The following UST variants were observed in gnomAD, a reference collection of about 807,000 sequenced individuals.
The protein encoded by UST is chondroitin sulfate 2-O-sulfotransferase.
A neutral mutation model predicts 45.6 loss-of-function variants in UST; 21 were observed. The ratio of observed to expected loss-of-function variants is 0.46; its 90% CI spans 0.33 to 0.66. The LOEUF (loss-of-function observed/expected upper bound fraction) is 0.66. UST is among the 30% of genes least tolerant of loss of function. The pLI is 0.02. For missense variants in UST, 463 were observed against 512.4 expected, an observed-to-expected ratio of 0.90 and a Z score of 0.93; for synonymous variants, 215 against 200.6, an observed-to-expected ratio of 1.07 and a Z score of -0.61.
intron 1 of UST, among the ~76,000 whole-genome samples, chr6:148,819,128 G>A (rs531860103): frequency 1.2e-4 from 18 of 152,334 alleles, no homozygotes; most frequent in South Asian, 1.0e-3. Flanking sequence ...CATCACAAAG[G>A]TAGGGCAGAT....
intron 1 of UST, among the ~76,000 whole-genome samples, chr6:148,884,465 C>G (rs1291547489): frequency 6.6e-6 from 1 of 152,032 alleles, no homozygotes; most frequent in Non-Finnish European, 1.5e-5. Context: ...TGAATAGAGA[C>G]TGAATGAAGA....
At chr6:149,029,317 A>AAT (rs1776100205) in intron 7 of UST, among the ~76,000 whole-genome samples, 1 of 148,058 alleles carries the variant, frequency 6.8e-6, no homozygotes, top group South Asian at 2.1e-4. Flanking sequence ...AAGTATATGT[A>AAT]ATATATAATG....
In UST at chr6:148,920,547, G is replaced by C. The variant is rs78766054; in HGVS notation, c.292-20732G>C. 3.9e-5 allele frequency among the ~76,000 whole-genome samples: 6 copies of C among 152,188 alleles called. No homozygotes were observed. The East Asian group carries it at 1.2e-3, about 29-fold the overall frequency. On this transcript the variant is annotated intron_variant, in intron 2 of 7. Coordinates refer to ENST00000367463, the MANE Select transcript of UST (RefSeq NM_005715.3). Reference sequence around the variant, plus strand: ...TCTTTGTTTGCTTTTATTTGTTTTTGAGACAAGATCTTGCTCTGTCACTCA... The same window carrying C: ...TCTTTGTTTGCTTTTATTTGTTTTTCAGACAAGATCTTGCTCTGTCACTCA...
intron 1 of UST, among the ~76,000 whole-genome samples, chr6:148,870,210 C>T (rs1185891252): frequency 6.6e-6 from 1 of 152,038 alleles, no homozygotes; most frequent in Admixed American, 6.5e-5. Flanking sequence ...GACTTGAACC[C>T]AGTCCGAGCC....
intron 1 of UST, among the ~76,000 whole-genome samples, chr6:148,802,035 T>C (rs1160891438): frequency 1.8e-4 from 27 of 152,234 alleles, no homozygotes; most frequent in Non-Finnish European, 7.3e-5. Flanking sequence ...CTTAATATAC[T>C]GAAAAGTTTT....
At chr6:148,942,957 T>G (rs1302745263) in intron 3 of UST, among the ~76,000 whole-genome samples, 1 of 152,208 alleles carries the variant, frequency 6.6e-6, no homozygotes, top group Non-Finnish European at 1.5e-5. Context: ...TATTAGGGTC[T>G]CCAAAGAAAA....
chr6:148,887,148 T>C (rs189014424), intron 2 of UST, 119 bp downstream of exon 2: 7 of 790,178 alleles, frequency 8.9e-6, no homozygotes, highest in African/African-American at 5.3e-5. Context: ...AGATGACATA[T>C]GTGAAATTGA....
chr6:148,856,881 T>G (rs1360998200), intron 1 of UST, among the ~76,000 whole-genome samples: 1 of 151,756 alleles, frequency 6.6e-6, no homozygotes, highest in Admixed American at 6.6e-5. Context: ...AAATCAGAGA[T>G]AACATTTTAG....
chr6:148,956,278 T>G (rs901960460), intron 4 of UST: 4 of 160,834 alleles, frequency 2.5e-5, no homozygotes, highest in South Asian at 3.8e-4. Flanking sequence ...TATCCAAGAC[T>G]GGGAAGAAAA....
intron 1 of UST, among the ~76,000 whole-genome samples, chr6:148,838,829 G>A (rs6570907): frequency 0.014 from 2,204 of 152,154 alleles, 43 homozygotes; most frequent in African/African-American, 0.045. Context: ...CCAGTTAGAA[G>A]CTGCTGAACT....
chr6:148,797,662 G>T (rs1000479968), intron 1 of UST, among the ~76,000 whole-genome samples: 1 of 152,218 alleles, frequency 6.6e-6, no homozygotes, highest in Non-Finnish European at 1.5e-5. Context: ...AGCGTAGAGG[G>T]GTGGTAGTTG....
At chr6:148,992,375 A>G (rs550893512) in intron 5 of UST, among the ~76,000 whole-genome samples, 11 of 152,318 alleles carry the variant, frequency 7.2e-5, no homozygotes, top group African/African-American at 2.4e-4. Context: ...GCGTTGAGGC[A>G]GGAGAATGGG....
At chr6:148,978,692 G>A (rs966750627) in intron 5 of UST, among the ~76,000 whole-genome samples, 1 of 152,122 alleles carries the variant, frequency 6.6e-6, no homozygotes, top group African/African-American at 2.4e-5. Flanking sequence ...GGAAAGGGGA[G>A]GGAGAGCATT....
chr6:148,753,786 C>A (rs922475605), intron 1 of UST, among the ~76,000 whole-genome samples: 1 of 152,152 alleles, frequency 6.6e-6, no homozygotes, highest in Non-Finnish European at 1.5e-5. Context: ...ATTTTACATC[C>A]CCCGCCAAGA....
At chr6:149,007,720 G>T (rs111824645) in intron 5 of UST, among the ~76,000 whole-genome samples, 6 of 151,942 alleles carry the variant, frequency 3.9e-5, no homozygotes, top group Non-Finnish European at 7.4e-5. Flanking sequence ...CACCGCGCCC[G>T]ACCTCCAGGC....
chr6:148,901,495 G>C (rs941141388), intron 2 of UST, among the ~76,000 whole-genome samples: 1 of 151,584 alleles, frequency 6.6e-6, no homozygotes, highest in African/African-American at 2.4e-5. Flanking sequence ...GAGCAGAGAG[G>C]AACTAGAGGG....
At chr6:149,060,223 T>G (rs1776633261) in intron 7 of UST, among the ~76,000 whole-genome samples, 1 of 151,942 alleles carries the variant, frequency 6.6e-6, no homozygotes, top group South Asian at 2.1e-4. Flanking sequence ...CAGATCTGAA[T>G]AAAAGACTGC....
intron 2 of UST, among the ~76,000 whole-genome samples, chr6:148,898,993 C>T: frequency 6.6e-6 from 1 of 152,062 alleles, no homozygotes; most frequent in Admixed American, 6.6e-5. Flanking sequence ...AAACCCATGC[C>T]ACCATTCCTT....
At chr6:149,042,972 T>C (rs987989464) in intron 7 of UST, among the ~76,000 whole-genome samples, 1 of 107,328 alleles carries the variant, frequency 9.3e-6, no homozygotes, top group Admixed American at 8.2e-5. Context: ...TCTTTCTTTC[T>C]TTCTTTCTTT....
Sources: allele counts gnomAD v4.1 joint callset (sites outside exome capture counted in the v4.1 genomes callset), GRCh38; gene constraint gnomAD v4.1.1; transcripts MANE v1.5; gene names NCBI Gene and HGNC (gene_info 2026-07-23, HGNC 2026-07-21).